Variants in TIAM1 observed in about 807,000 individuals in gnomAD.
TIAM1 encodes TIAM Rac1 associated GEF 1.
Under a neutral mutation model 163.5 loss-of-function variants are expected in TIAM1, and 65 were observed. The observed-to-expected ratio is 0.40, with a 90% CI of 0.33 to 0.49. TIAM1 has a LOEUF of 0.49. Ranked by LOEUF, TIAM1 falls within the 20% of genes least tolerant of loss-of-function variation. The pLI, the probability that TIAM1 is intolerant of heterozygous loss-of-function variation, is 0.77. For synonymous variants in TIAM1, 833 were observed against 810.1 expected, an observed-to-expected ratio of 1.03 and a Z score of -0.48; for missense variants, 1,789 against 2,044.7, an observed-to-expected ratio of 0.87 and a Z score of 2.41.
At chr21:31,336,853 G>A (rs1000452175) in intron 2 of TIAM1, among the ~76,000 whole-genome samples, 1 of 152,132 alleles carries the variant, frequency 6.6e-6, no homozygotes, top group Non-Finnish European at 1.5e-5. Context: ...GGCCAATGGG[G>A]GTAACCAACA....
At chr21:31,307,704 A>G (rs1426512269) in intron 2 of TIAM1, among the ~76,000 whole-genome samples, 1 of 152,086 alleles carries the variant, frequency 6.6e-6, no homozygotes, top group East Asian at 1.9e-4. Flanking sequence ...CAAGTCTAGC[A>G]AGGAGGGGCT....
chr21:31,289,373 C>T (rs973777004), intron 2 of TIAM1, among the ~76,000 whole-genome samples: 3 of 152,122 alleles, frequency 2.0e-5, no homozygotes, highest in Non-Finnish European at 2.9e-5. Context: ...GTGCTCCCTA[C>T]GCCTGGAAAG....
chr21:31,193,545 A>G (rs2085670276), intron 13 of TIAM1, among the ~76,000 whole-genome samples: 1 of 152,170 alleles, frequency 6.6e-6, no homozygotes, highest in Non-Finnish European at 1.5e-5. Context: ...GGCCCGCTGA[A>G]GCTCACACCT....
intron 1 of TIAM1, among the ~76,000 whole-genome samples, chr21:31,556,627 T>C (rs1172031345): frequency 6.6e-6 from 1 of 152,122 alleles, no homozygotes; most frequent in Non-Finnish European, 1.5e-5. Context: ...TATTTCTATA[T>C]GAAACTGATT....
At chr21:31,333,666 C>T (rs966887434) in intron 2 of TIAM1, among the ~76,000 whole-genome samples, 1 of 152,206 alleles carries the variant, frequency 6.6e-6, no homozygotes, top group East Asian at 1.9e-4. Context: ...TCTCGAATCT[C>T]TAGGCTCAAG....
chr21:31,357,351 A>G (rs1264630943), intron 2 of TIAM1, among the ~76,000 whole-genome samples: 1 of 152,146 alleles, frequency 6.6e-6, no homozygotes, highest in Admixed American at 6.5e-5. Context: ...CTTTTGTTCT[A>G]CTTCTCTGAG....
At chr21:31,295,875 G>A (rs1015361456) in intron 2 of TIAM1, among the ~76,000 whole-genome samples, 1 of 152,170 alleles carries the variant, frequency 6.6e-6, no homozygotes, top group Non-Finnish European at 1.5e-5. Flanking sequence ...TTGGCTCACT[G>A]CAAGCTCCGC....
chr21:31,450,912 G>C (rs1300423173), intron 2 of TIAM1, among the ~76,000 whole-genome samples: 1 of 152,034 alleles, frequency 6.6e-6, no homozygotes, highest in East Asian at 1.9e-4. Flanking sequence ...GGAATTACGG[G>C]AGCTACACTT....
intron 2 of TIAM1, among the ~76,000 whole-genome samples, chr21:31,327,768 G>A (rs2075542624): frequency 1.3e-5 from 2 of 152,006 alleles, no homozygotes. Context: ...TCCAGACTGT[G>A]TGAGCAATAA....
At chr21:31,540,934 A>G (rs1244740415) in intron 1 of TIAM1, among the ~76,000 whole-genome samples, 9 of 152,342 alleles carry the variant, frequency 5.9e-5, no homozygotes, top group Non-Finnish European at 1.0e-4. Context: ...TTCCGTTGCT[A>G]GTTAGGCTGT....
At chr21:31,463,670 C>A (rs946702206) in intron 2 of TIAM1, among the ~76,000 whole-genome samples, 25 of 151,894 alleles carry the variant, frequency 1.6e-4, no homozygotes, top group Non-Finnish European at 7.4e-5. Flanking sequence ...ATACAAAAAT[C>A]AGCCAGGCAT....
chr21:31,127,295 C>A, intron 25 of TIAM1, 143 bp from the exon 26 acceptor site: 8 of 716,064 alleles, frequency 1.1e-5, no homozygotes, highest in Non-Finnish European at 1.4e-5. Flanking sequence ...TACTATTTCA[C>A]AATCTAAAGA....
At chr21:31,540,896 G>T (rs922295104) in intron 1 of TIAM1, among the ~76,000 whole-genome samples, 3 of 152,178 alleles carry the variant, frequency 2.0e-5, no homozygotes, top group Non-Finnish European at 4.4e-5. Context: ...TCAATTAACA[G>T]CAACAAAATA....
At chr21:31,217,799 TC>T in intron 8 of TIAM1, 100 bp from the exon 9 acceptor site, 2 of 1,451,726 alleles carry the variant, frequency 1.4e-6, no homozygotes, top group Non-Finnish European at 1.9e-6. Flanking sequence ...AAAACCCTCC[TC>T]CATCATGCCA....
At chr21:31,257,005 C>T (rs1331996300) in intron 4 of TIAM1, among the ~76,000 whole-genome samples, 3 of 152,140 alleles carry the variant, frequency 2.0e-5, no homozygotes, top group African/African-American at 7.2e-5. Context: ...CTCTGAGAAA[C>T]CTGGGAAAAA....
At chr21:31,529,598 G>A (rs1416187511) in intron 1 of TIAM1, among the ~76,000 whole-genome samples, 3 of 152,170 alleles carry the variant, frequency 2.0e-5, no homozygotes, top group Non-Finnish European at 4.4e-5. Context: ...GTGGGTCAGG[G>A]CTACCTGCCC....
At chr21:31,290,516 G>A (rs571901776) in intron 2 of TIAM1, among the ~76,000 whole-genome samples, 106 of 151,708 alleles carry the variant, frequency 7.0e-4, no homozygotes, top group African/African-American at 2.3e-3. Flanking sequence ...GAATGACGGC[G>A]CGTGCCTGTA....
At chr21:31,462,077 T>C (rs1387068390) in intron 2 of TIAM1, among the ~76,000 whole-genome samples, 2 of 152,224 alleles carry the variant, frequency 1.3e-5, no homozygotes, top group Non-Finnish European at 2.9e-5. Context: ...ATCCATCTAC[T>C]ACAGCCTTAT....
intron 1 of TIAM1, among the ~76,000 whole-genome samples, chr21:31,488,446 A>G (rs541553856): frequency 1.3e-5 from 2 of 152,140 alleles, no homozygotes; most frequent in Non-Finnish European, 2.9e-5. Context: ...AAGAAAAGGA[A>G]GAGGAGGAAG....
Sources: allele counts gnomAD v4.1 joint callset (sites outside exome capture counted in the v4.1 genomes callset), GRCh38; gene constraint gnomAD v4.1.1; transcripts MANE v1.5; gene names NCBI Gene and HGNC (gene_info 2026-07-23, HGNC 2026-07-21).